The following KCNIP4 variants were observed in gnomAD, a reference collection of about 807,000 sequenced individuals.
KCNIP4 encodes potassium voltage-gated channel interacting protein 4.
A neutral mutation model predicts 34.0 loss-of-function variants in KCNIP4; 12 were observed. The ratio of observed to expected loss-of-function variants is 0.35; its 90% CI spans 0.23 to 0.57. KCNIP4 has a LOEUF of 0.57. Among genes scored for constraint, KCNIP4 ranks in the 20% least tolerant of loss-of-function variants. The pLI is 0.83. For missense variants in KCNIP4, 238 were observed against 311.7 expected (o/e 0.76, Z 1.78); for synonymous variants, 124 against 102.2 (o/e 1.21, Z -1.29).
At chr4:21,081,223 T>C (rs969087441) in intron 1 of KCNIP4, among the ~76,000 whole-genome samples, 2 of 151,788 alleles carry the variant, frequency 1.3e-5, no homozygotes, top group Non-Finnish European at 2.9e-5. Context: ...TGCTGTGAAA[T>C]TGACTTTAAA....
chr4:21,630,455 CAA>C lies in KCNIP4; in HGVS notation c.61+318114_61+318115del, dbSNP rs11326754. ...GCCTGGCAACAGAGGGAGATTCCAT[CAA>C]AAAAAAAAAAAAGAAAAATCCTTCA... On this transcript the variant is annotated intron_variant, in intron 1 of 8. Coordinates refer to ENST00000382152, the MANE Select transcript of KCNIP4 (RefSeq NM_025221.6). Among the ~76,000 whole-genome samples the C allele has an allele frequency of 5.2e-3, 730 of 140,446 alleles. 3 individuals are homozygous for C. The highest frequency in any genetic ancestry group is 0.015 in the African/African-American group (564 of 38,586). 92.1% of individuals were successfully genotyped at this position (140,446 alleles called of 152,430 possible).
Position 20,975,561 on chromosome 4 carries a change from G to A in KCNIP4, c.62-92852C>T, listed in dbSNP as rs575365374. On this transcript the variant is annotated intron_variant, in intron 1 of 8. Transcript: ENST00000382152. The stretch of plus-strand genomic sequence containing the variant: ...AAGGAAGTCATTTTATTGAAAAAAC[G>A]CATGTGTTAATTCAAATCACTTGAC... Among the ~76,000 whole-genome samples the A allele has an allele frequency of 1.1e-3, 169 of 152,190 alleles. 1 individual carries two copies. The highest frequency in any genetic ancestry group is 4.0e-3 in the African/African-American group (165 of 41,526).
intron 1 of KCNIP4, among the ~76,000 whole-genome samples, chr4:21,012,081 T>A (rs773192812): frequency 5.9e-5 from 9 of 152,166 alleles, no homozygotes; most frequent in Non-Finnish European, 1.0e-4. Flanking sequence ...TAAACAAGGG[T>A]GTCCAATTAT....
At chr4:21,898,951 A>G (rs966689383) in intron 1 of KCNIP4, among the ~76,000 whole-genome samples, 48 of 152,216 alleles carry the variant, frequency 3.2e-4, no homozygotes, top group African/African-American at 1.1e-3. Context: ...GAACCCCACC[A>G]TGAGCTGATG....
intron 1 of KCNIP4, among the ~76,000 whole-genome samples, chr4:21,519,876 TTA>T: frequency 6.8e-6 from 1 of 147,346 alleles, no homozygotes; most frequent in Non-Finnish European, 1.5e-5. Context: ...TATATATAAA[TTA>T]TATATAATTT....
chr4:21,118,796 A>G (rs1749903173), intron 1 of KCNIP4, among the ~76,000 whole-genome samples: 1 of 151,698 alleles, frequency 6.6e-6, no homozygotes, highest in African/African-American at 2.4e-5. Flanking sequence ...GGAAGGCAGA[A>G]TGACAGAAAG....
At chr4:20,989,404 G>C (rs1736883178) in intron 1 of KCNIP4, among the ~76,000 whole-genome samples, 1 of 152,200 alleles carries the variant, frequency 6.6e-6, no homozygotes, top group Non-Finnish European at 1.5e-5. Context: ...CTTGGAAGTG[G>C]ACACAGGTGG....
chr4:20,790,382 A>G (rs1169889094), intron 3 of KCNIP4, among the ~76,000 whole-genome samples: 4 of 152,166 alleles, frequency 2.6e-5, no homozygotes, highest in Non-Finnish European at 5.9e-5. Flanking sequence ...TATTTAAAAA[A>G]TATATATCTT....
chr4:21,472,684 C>T (rs1281687977), intron 1 of KCNIP4, among the ~76,000 whole-genome samples: 1 of 152,098 alleles, frequency 6.6e-6, no homozygotes, highest in Admixed American at 6.5e-5. Flanking sequence ...AATAAGTTGA[C>T]TATTTGAAAC....
intron 1 of KCNIP4, among the ~76,000 whole-genome samples, chr4:21,497,657 T>C (rs953421806): frequency 6.6e-6 from 1 of 152,188 alleles, no homozygotes; most frequent in Non-Finnish European, 1.5e-5. Flanking sequence ...AGGAAGAGTA[T>C]GTCTCAAACT....
intron 5 of KCNIP4, among the ~76,000 whole-genome samples, chr4:20,748,587 T>C (rs1225447759): frequency 1.1e-5 from 1 of 87,024 alleles, no homozygotes; most frequent in Non-Finnish European, 2.7e-5. Context: ...TATATATATA[T>C]ATATATATAT....
intron 1 of KCNIP4, among the ~76,000 whole-genome samples, chr4:21,634,565 G>A (rs148437486): frequency 6.6e-6 from 1 of 151,974 alleles, no homozygotes; most frequent in Non-Finnish European, 1.5e-5. Flanking sequence ...GATAAAGAAA[G>A]GATGCAGAAA....
chr4:21,109,102 T>A (rs997476825), intron 1 of KCNIP4, among the ~76,000 whole-genome samples: 4 of 152,212 alleles, frequency 2.6e-5, no homozygotes, highest in Non-Finnish European at 4.4e-5. Flanking sequence ...TCCAGCTGCG[T>A]GCTGGGAGAA....
chr4:21,123,104 C>G (rs1453412228), intron 1 of KCNIP4, among the ~76,000 whole-genome samples: 1 of 151,930 alleles, frequency 6.6e-6, no homozygotes, highest in Non-Finnish European at 1.5e-5. Context: ...GTCCCAGCTA[C>G]TTGGGAGGCT....
intron 1 of KCNIP4, among the ~76,000 whole-genome samples, chr4:21,539,613 T>C (rs1737502472): frequency 6.6e-6 from 1 of 152,178 alleles, no homozygotes; most frequent in Non-Finnish European, 1.5e-5. Flanking sequence ...CATGTCCAGA[T>C]TGAGCTGACA....
chr4:20,736,004 A>G (rs1411281932), intron 5 of KCNIP4, among the ~76,000 whole-genome samples: 1 of 152,132 alleles, frequency 6.6e-6, no homozygotes, highest in Non-Finnish European at 1.5e-5. Flanking sequence ...CTGTATTTCT[A>G]TCTGAATTTC....
intron 1 of KCNIP4, among the ~76,000 whole-genome samples, chr4:21,773,739 T>TTG (rs1560703927): frequency 1.2e-3 from 25 of 21,064 alleles, no homozygotes; most frequent in Middle Eastern, 0.042. Context: ...CCTGTTTTTT[T>TTG]TTGTTGTTTT....
At chr4:21,703,473 A>C (rs1560645815) in intron 1 of KCNIP4, among the ~76,000 whole-genome samples, 1 of 152,180 alleles carries the variant, frequency 6.6e-6, no homozygotes, top group Non-Finnish European at 1.5e-5. Context: ...ACAAAAAACC[A>C]AACACCACAT....
At chr4:21,698,252 T>C (rs1455424277) in intron 1 of KCNIP4, among the ~76,000 whole-genome samples, 1 of 152,144 alleles carries the variant, frequency 6.6e-6, no homozygotes, top group Non-Finnish European at 1.5e-5. Context: ...GGCTCAGGTA[T>C]TTGGAAATTA....
Sources: allele counts gnomAD v4.1 joint callset (sites outside exome capture counted in the v4.1 genomes callset), GRCh38; gene constraint gnomAD v4.1.1; transcripts MANE v1.5; gene names NCBI Gene and HGNC (gene_info 2026-07-23, HGNC 2026-07-21).